Variants in CRACR2A observed in about 807,000 individuals in gnomAD.
CRACR2A encodes the protein calcium release activated channel regulator 2A.
A neutral mutation model predicts 90.5 loss-of-function variants in CRACR2A; 79 were observed. The observed-to-expected ratio is 0.87, with a 90% confidence interval of 0.73 to 1.05. CRACR2A has a LOEUF of 1.05. CRACR2A is among the 50% of genes least tolerant of loss of function. The pLI is 0.00. For missense variants in CRACR2A, 823 were observed against 897.2 expected, an observed-to-expected ratio of 0.92 and a Z score of 1.06; for synonymous variants, 338 against 356.7, an observed-to-expected ratio of 0.95 and a Z score of 0.59.
chr12:3,740,532 T>C (rs1016633641), intron 1 of CRACR2A, among the ~76,000 whole-genome samples: 6 of 152,214 alleles, frequency 3.9e-5, no homozygotes, highest in Admixed American at 3.9e-4. Context: ...ATATCATATT[T>C]GTAGAGCATT....
At chr12:3,747,726 T>C (rs1946647270) in intron 1 of CRACR2A, among the ~76,000 whole-genome samples, 1 of 152,234 alleles carries the variant, frequency 6.6e-6, no homozygotes, top group Admixed American at 6.5e-5. Flanking sequence ...GGAAGCTGTC[T>C]GGCCAGAAAC....
At chr12:3,655,633 C>T (rs969802036) in intron 9 of CRACR2A, among the ~76,000 whole-genome samples, 2 of 152,214 alleles carry the variant, frequency 1.3e-5, no homozygotes, top group East Asian at 3.9e-4. Flanking sequence ...AAGTAGGAGG[C>T]TTGCCTAGGT....
chr12:3,642,289 G>A (rs565562510), intron 12 of CRACR2A, among the ~76,000 whole-genome samples: 5 of 152,196 alleles, frequency 3.3e-5, no homozygotes, highest in East Asian at 1.9e-4. Flanking sequence ...TGATCACAGC[G>A]CACTGCAGCC....
In CRACR2A at chr12:3,651,242, T is replaced by C. The variant is rs576743217; in HGVS notation, c.1047-2629A>G. On this transcript the variant is annotated intron_variant, in intron 10 of 19. Coordinates refer to ENST00000440314, the MANE Select transcript of CRACR2A (RefSeq NM_001144958.2). Reference sequence around the variant, plus strand: ...CTAATGCAGAACAGTATGCTTAGTATGCTACTGATTTATAAAGGAAAAGTG... The same window carrying C: ...CTAATGCAGAACAGTATGCTTAGTACGCTACTGATTTATAAAGGAAAAGTG... 7.9e-5 allele frequency among the ~76,000 whole-genome samples: 12 copies of C among 152,374 alleles called. No individual in the cohort carries two copies. In the South Asian group the frequency reaches 1.0e-3, roughly 13 times the overall value.
rs59280820 is a variant in CRACR2A, at chr12:3,656,464, AT to A, written c.763-59del. 1.4e-3 allele frequency: 2,017 copies of A among 1,485,380 alleles called. 1 individual carries two copies. Among genetic ancestry groups the A allele is most frequent in the African/African-American group, 1.9e-3 (137 of 71,540 alleles). 92.0% of individuals were successfully genotyped at this position (1,485,380 alleles called of 1,614,324 possible). A position where few individuals can be genotyped will look rare whatever the true frequency, so the allele number is the denominator to read the frequency against. ...CAAATGTAGCACACCCGGGTTATAG[AT>A]TTTTTTTTTCCCACCTTGAACCTAC... On this transcript the variant is annotated intron_variant, in intron 8 of 19. Transcript: ENST00000440314.
At chr12:3,696,259 A>G (rs1046581601) in intron 4 of CRACR2A, among the ~76,000 whole-genome samples, 3 of 152,222 alleles carry the variant, frequency 2.0e-5, no homozygotes, top group East Asian at 1.9e-4. Context: ...GCACTAGGCA[A>G]TGGTGTGCAC....
intron 10 of CRACR2A, among the ~76,000 whole-genome samples, chr12:3,649,712 C>A (rs1010279958): frequency 6.6e-6 from 1 of 151,800 alleles, no homozygotes; most frequent in Non-Finnish European, 1.5e-5. Context: ...ACATCGATAC[C>A]CTCAACACAG....
intron 11 of CRACR2A, among the ~76,000 whole-genome samples, chr12:3,646,654 T>C (rs968158930): frequency 6.6e-6 from 1 of 152,200 alleles, no homozygotes; most frequent in African/African-American, 2.4e-5. Flanking sequence ...GTCCTGAGAA[T>C]GGCAAAGTGA....
intron 2 of CRACR2A, chr12:3,730,273 A>ATGT (rs1268841806): frequency 6.6e-6 from 1 of 152,194 alleles, no homozygotes; most frequent in African/African-American, 2.4e-5. Context: ...AAACAGCACA[A>ATGT]TGTTGCTAGA....
At position 3,633,610 on chromosome 12, in the gene CRACR2A, T is replaced by G. The variant is rs1321675264; in HGVS notation, c.1729A>C (p.Thr577Pro). The G allele has an allele frequency of 6.4e-7, 1 of 1,551,538 alleles. No individual in the cohort carries two copies. Among genetic ancestry groups the G allele is most frequent in the Non-Finnish European group, 8.7e-7 (1 of 1,146,990 alleles). The change falls in exon 15 of 20, where the codon ACT (threonine) becomes CCT (proline). Residue 577 changes from threonine to proline, a missense_variant. By Grantham distance (38) the Thr-to-Pro change is conservative. Transcript: ENST00000440314. This position sits in a 1 kb window ranked among gnomAD's most constrained non-coding sequence, Gnocchi z 4.5. Reference sequence around the variant, plus strand: ...CTCAGGGATGAGAACTCACCCACAGTGGCCGCCATGCCTGGGGAGAACCGG... The same window carrying G: ...CTCAGGGATGAGAACTCACCCACAGGGGCCGCCATGCCTGGGGAGAACCGG... ...EDRFSPGMAA[T>P]VGIDYRVKTL... is the part of the protein sequence containing the mutation.
chr12:3,697,072 TG>T, intron 3 of CRACR2A, 37 bp from the exon 4 acceptor site: 10 of 1,518,300 alleles, frequency 6.6e-6, no homozygotes, highest in Non-Finnish European at 8.0e-6. Context: ...GTGGGTGTGG[TG>T]GGTTGGAGTG....
chr12:3,666,360 C>CGCGT (rs1565481677), intron 7 of CRACR2A, among the ~76,000 whole-genome samples: 7 of 81,140 alleles, frequency 8.6e-5, no homozygotes, highest in African/African-American at 1.4e-4. Flanking sequence ...TGTGTGCGTG[C>CGCGT]GTGTGCGCGT....
At chr12:3,743,319 C>T (rs1946558523) in intron 1 of CRACR2A, among the ~76,000 whole-genome samples, 1 of 152,248 alleles carries the variant, frequency 6.6e-6, no homozygotes, top group Non-Finnish European at 1.5e-5. Flanking sequence ...AACTGCATTC[C>T]TTAAAACGAA....
chr12:3,659,433 A>G (rs1488918585), intron 8 of CRACR2A, 131 bp downstream of exon 8: 6 of 661,758 alleles, frequency 9.1e-6, no homozygotes, highest in East Asian at 2.9e-5. Flanking sequence ...AAATGCCTTG[A>G]AAAAAAAATA....
In CRACR2A at chr12:3,713,298, A is replaced by G. The variant is rs374042939; in HGVS notation, c.-98T>C. The G allele has an allele frequency of 1.9e-5, 19 of 985,204 alleles. No homozygotes were observed. In the African/African-American group the frequency reaches 3.0e-4, roughly 15 times the overall value. The allele number at this position is 985,204 out of a possible 1,614,324, so 61.0% of individuals were successfully genotyped here. On this transcript the variant is annotated 5_prime_UTR_variant, in exon 3 of 20. Transcript: ENST00000440314. Reference sequence around the variant, plus strand: ...TTCACACCTGGAGGGTACTTTGGCCACTGGTGACTTGAATTCCACCTAGGA... The same window carrying G: ...TTCACACCTGGAGGGTACTTTGGCCGCTGGTGACTTGAATTCCACCTAGGA...
At position 3,673,511 on chromosome 12, in the gene CRACR2A, G is replaced by T; in HGVS notation, c.606C>A (p.Thr202=). The change falls in exon 7 of 20, where the codon ACC becomes ACA. Residue 202 remains threonine, a synonymous_variant. Transcript: ENST00000440314. ...HLLSNFEDFL[T]RIISQLQEAH... is the part of the protein sequence containing the mutation. ...CTTCTTGGAGCTGGGAGATGATTCT[G>T]GTCAGGAAGTCTTCAAAGTTGGACA... The T allele has an allele frequency of 6.2e-7, 1 of 1,614,110 alleles. No individual in the cohort carries two copies.
intron 2 of CRACR2A, chr12:3,728,965 G>A (rs1946316723): frequency 6.6e-6 from 1 of 152,176 alleles, no homozygotes; most frequent in South Asian, 2.1e-4. Context: ...TCGCCTTGTT[G>A]TCCATGGTTG....
chr12:3,661,392 C>T (rs1274427381), intron 7 of CRACR2A, among the ~76,000 whole-genome samples: 2 of 152,208 alleles, frequency 1.3e-5, no homozygotes, highest in Non-Finnish European at 2.9e-5. Flanking sequence ...AGTGACTGTA[C>T]AGTAACGGTC....
At chr12:3,653,989 G>A (rs1367490335) in intron 10 of CRACR2A, among the ~76,000 whole-genome samples, 1 of 152,224 alleles carries the variant, frequency 6.6e-6, no homozygotes, top group Non-Finnish European at 1.5e-5. Flanking sequence ...TCTGAGAACA[G>A]GGCTGTACAT....
Sources: allele counts gnomAD v4.1 joint callset (sites outside exome capture counted in the v4.1 genomes callset), GRCh38; gene constraint gnomAD v4.1.1; non-coding constraint Gnocchi (gnomAD v3.1); transcripts MANE v1.5; gene names NCBI Gene and HGNC (gene_info 2026-07-23, HGNC 2026-07-21).